The following MROH2A variants were observed in gnomAD, a reference collection of about 807,000 sequenced individuals.
MROH2A encodes the protein maestro heat-like repeat-containing protein family member 2A.
In MROH2A, 174 loss-of-function variants were observed where a neutral mutation model predicts 200.4. The observed-to-expected ratio is 0.87, with a 90% confidence interval of 0.77 to 0.98. The LOEUF (loss-of-function observed/expected upper bound fraction) is 0.98, where lower values mean the gene tolerates loss of function less well. Among genes scored for constraint, MROH2A ranks in the 50% least tolerant of loss-of-function variants. The probability of loss-of-function intolerance (pLI) is 0.00; values close to 1 mark genes in which losing one functional copy is unlikely to be tolerated. For synonymous variants in MROH2A, 829 were observed against 840.4 expected (o/e 0.99, Z 0.23); for missense variants, 2,045 against 2,139.6 (o/e 0.96, Z 0.87).
chr2:233,794,377 G>A lies in MROH2A; in HGVS notation c.837G>A (p.Val279=). 1 of 1,550,184 alleles carries A rather than the reference G, an allele frequency of 6.5e-7. No individual in the cohort carries two copies. The highest frequency in any genetic ancestry group is 8.7e-7 in the Non-Finnish European group (1 of 1,146,772). ...TCTGGTGGCAGGTGAAGCTGGGGGT[G>A]ATCAAGTCCCTGAAGCCCATGCTCG... ...RHYNPEVKLG[V]IKSLKPMLGL... is the part of the protein sequence containing the mutation. Residue 279 remains valine (V), a synonymous_variant, in exon 8 of 42, where the codon GTG becomes GTA. Transcript: ENST00000389758.
At chr2:233,814,800 T>C in intron 26 of MROH2A, 123 bp downstream of exon 26, 1 of 629,344 alleles carries the variant, frequency 1.6e-6, no homozygotes, top group African/African-American at 1.9e-5. Flanking sequence ...TTCATTGTTA[T>C]AAAATTCCAG....
intron 15 of MROH2A, among the ~76,000 whole-genome samples, chr2:233,802,941 C>T (rs1051387660): frequency 6.6e-6 from 1 of 152,250 alleles, no homozygotes; most frequent in Non-Finnish European, 1.5e-5. Context: ...ATGCCCCTCT[C>T]ACTCTTGACT....
chr2:233,825,560 A>G (rs1414635188), intron 35 of MROH2A, among the ~76,000 whole-genome samples: 1 of 152,156 alleles, frequency 6.6e-6, no homozygotes, highest in Non-Finnish European at 1.5e-5. Flanking sequence ...CCTTTTCTGC[A>G]CCTATTGAGA....
Position 233,793,674 on chromosome 2 carries a change from C to G in MROH2A, c.672C>G (p.Ala224=). The G allele has an allele frequency of 7.2e-7, 1 of 1,396,408 alleles. No homozygotes were observed. The highest frequency in any genetic ancestry group is 9.4e-7 in the Non-Finnish European group (1 of 1,069,230). The allele number at this position is 1,396,408 out of a possible 1,614,324, so 86.5% of individuals were successfully genotyped here. A position where few individuals can be genotyped will look rare whatever the true frequency, so the allele number is the denominator to read the frequency against. ...GCATTCCCCTGTTGCTGTTGGTAGC[C>G]ATGGAGACCTTCTGTGAGACGGTGC... is the stretch of plus-strand genomic sequence containing the variant. ...EAKIRQAICS[A]METFCETVQF... is the part of the protein sequence containing the mutation. The change falls in exon 7 of 42, where the codon GCC becomes GCG. Residue 224 remains alanine (A), a splice_region_variant and synonymous_variant. Transcript: ENST00000389758.
In MROH2A at chr2:233,807,519, T is replaced by G; in HGVS notation, c.2149T>G (p.Tyr717Asp). ...LLLELLYKTDYSNDFDSEGVI... is the reference protein window; with the variant it reads ...LLLELLYKTDDSNDFDSEGVI... ...GTTGGAGCTGCTGTACAAGACGGAC[T>G]ACAGCAATGACTTTGACAGCGAGGT... Residue 717 changes from tyrosine (Y) to aspartate (D), a missense_variant, in exon 20 of 42, where the codon TAC becomes GAC. Around this residue, in one of 3 missense-constraint regions of MROH2A, gnomAD observed 1,201 missense variants for 1,311.3 expected, o/e 0.92. Transcript: ENST00000389758. The surrounding 1 kb of genome is among the most constrained non-coding windows in gnomAD (Gnocchi z 4.3). The G allele has an allele frequency of 6.4e-7, 1 of 1,550,628 alleles. No homozygotes were observed. The highest frequency in any genetic ancestry group is 2.4e-5 in the East Asian group (1 of 40,922).
intron 35 of MROH2A, among the ~76,000 whole-genome samples, chr2:233,824,730 C>G (rs891589260): frequency 2.0e-5 from 3 of 152,198 alleles, no homozygotes; most frequent in South Asian, 2.1e-4. Flanking sequence ...ATGAGATAGA[C>G]CGTGTATGCA....
rs974003183 is a variant in MROH2A, at chr2:233,820,974, G to C, written c.3512+918G>C. On this transcript the variant is annotated intron_variant, in intron 31 of 41. Transcript: ENST00000389758. The surrounding 1 kb of genome is among the most constrained non-coding windows in gnomAD (Gnocchi z 4.1). Reference sequence around the variant, plus strand: ...AGGCAGTGCTGGGTGGGGGTAAGGGGGATGTGCGGTGCAGCCCTGGGTCAG... The same window carrying C: ...AGGCAGTGCTGGGTGGGGGTAAGGGCGATGTGCGGTGCAGCCCTGGGTCAG... 2.0e-5 allele frequency among the ~76,000 whole-genome samples: 3 copies of C among 152,158 alleles called. No homozygotes were observed. Among genetic ancestry groups the C allele is most frequent in the Non-Finnish European group, 2.9e-5 (2 of 68,024 alleles).
rs917356507 is a variant in MROH2A at position 233,807,042 on chromosome 2, G to A, written c.2053-381G>A. Among the ~76,000 whole-genome samples the A allele has an allele frequency of 3.9e-5, 6 of 151,900 alleles. 1 individual carries two copies. In the South Asian group the frequency reaches 1.0e-3, roughly 26 times the overall value. ...CCACTTATGAGTGAGAACATACGACGTTTGGTTTTCCATTCCTAAGTTACT... is the reference window on the plus strand; with the variant it reads ...CCACTTATGAGTGAGAACATACGACATTTGGTTTTCCATTCCTAAGTTACT... On this transcript the variant is annotated intron_variant, in intron 19 of 41. Transcript: ENST00000389758. This position sits in a 1 kb window ranked among gnomAD's most constrained non-coding sequence, Gnocchi z 4.3.
intron 3 of MROH2A, among the ~76,000 whole-genome samples, chr2:233,786,503 C>T (rs923986709): frequency 6.6e-6 from 1 of 152,218 alleles, no homozygotes; most frequent in Non-Finnish European, 1.5e-5. Context: ...ACCCTAATTA[C>T]CTTTCGAAGG....
intron 3 of MROH2A, among the ~76,000 whole-genome samples, chr2:233,787,239 C>T (rs942866170): frequency 1.3e-5 from 2 of 151,850 alleles, no homozygotes; most frequent in Non-Finnish European, 2.9e-5. Context: ...GCTATTTGTA[C>T]AGGGTGCAGT....
chr2:233,816,758 G>C, intron 26 of MROH2A, 23 bp from the exon 27 acceptor site: 1 of 1,512,228 alleles, frequency 6.6e-7, no homozygotes. Context: ...CACCCACTTT[G>C]GTGTTCTGGG....
intron 39 of MROH2A, among the ~76,000 whole-genome samples, chr2:233,831,927 G>A (rs1291512926): frequency 6.6e-6 from 1 of 152,230 alleles, no homozygotes; most frequent in African/African-American, 2.4e-5. Context: ...CACACTTGAA[G>A]TGCTGCAGGG....
rs1169329284 is a variant in MROH2A, at chr2:233,787,656, CATATATATT to C, written c.277-1824_277-1816del. Among the ~76,000 whole-genome samples the C allele has an allele frequency of 1.3e-3, 33 of 24,496 alleles. 2 individuals carry two copies. The highest frequency in any genetic ancestry group is 2.3e-3 in the Non-Finnish European group (31 of 13,644). 16.1% of individuals were successfully genotyped at this position (24,496 alleles called of 152,430 possible). A position where few individuals can be genotyped will look rare whatever the true frequency, so the allele number is the denominator to read the frequency against. On this transcript the variant is annotated intron_variant, in intron 3 of 41. Coordinates refer to ENST00000389758, the MANE Select transcript of MROH2A (RefSeq NM_001394639.1). ...ATATATATTATATATATCATATATA[CATATATATT>C]ATATATATTATATATACATATATAT...
Position 233,831,511 on chromosome 2 carries a change from G to A in MROH2A, c.4705G>A (p.Val1569Ile), listed in dbSNP as rs879664. The A allele has an allele frequency of 0.074, 114,963 of 1,548,926 alleles. 5,097 individuals are homozygous for A. Among genetic ancestry groups the A allele is most frequent in the African/African-American group, 0.19 (13,828 of 73,006 alleles). The change falls in exon 39 of 42, where the codon GTT becomes ATT. Residue 1569 changes from valine to isoleucine, a missense_variant. Transcript: ENST00000389758. ...TACCGCTACTGATGACAAGATGACC[G>A]TTTTCCAGACAACCATGTGCTCCAT... ...SDTATDDKMT[V>I]FQTTMCSILT...
chr2:233,797,122 A>T (rs1234364487), intron 11 of MROH2A, among the ~76,000 whole-genome samples: 1 of 152,230 alleles, frequency 6.6e-6, no homozygotes, highest in Non-Finnish European at 1.5e-5. Flanking sequence ...TGGACTCCTG[A>T]GCATGGCTGG....
chr2:233,818,652 C>T lies in MROH2A; in HGVS notation c.3086C>T (p.Ala1029Val), dbSNP rs907483666. ...NVLSSLLDLH[A>V]SQTCSLWGPS... ...ATTTCTGAAGTTGTATTCCCGACAG[C>T]AAGCCAGACCTGCTCCTTGTGGGGC... The change falls in exon 29 of 42, where the codon GCA (alanine) becomes GTA (valine). Residue 1029 changes from alanine to valine, a missense_variant and splice_region_variant. Ala to Val is a moderately conservative substitution (Grantham distance 64, BLOSUM62 0). This residue lies in a region of MROH2A where 1,201 missense variants were observed against 1,311.3 expected (regional missense o/e 0.92). Coordinates refer to ENST00000389758, the MANE Select transcript of MROH2A (RefSeq NM_001394639.1). The T allele has an allele frequency of 7.7e-5, 119 of 1,541,218 alleles. No homozygotes were observed. In the Middle Eastern group the frequency reaches 1.0e-3, roughly 13 times the overall value.
chr2:233,830,186 C>G (rs1192334784), intron 38 of MROH2A, among the ~76,000 whole-genome samples: 2 of 152,214 alleles, frequency 1.3e-5, no homozygotes, highest in African/African-American at 4.8e-5. Flanking sequence ...CTGGCTTCTC[C>G]CTCTCCACAG....
Position 233,793,659 on chromosome 2 carries a change from G to A in MROH2A, c.671-14G>A. On this transcript the variant is annotated splice_polypyrimidine_tract_variant and intron_variant, in intron 6 of 41. Coordinates refer to ENST00000389758, the MANE Select transcript of MROH2A (RefSeq NM_001394639.1). ...CCTCTGGCGCCAAGTGCATTCCCCTGTTGCTGTTGGTAGCCATGGAGACCT... is the reference window on the plus strand; with the variant it reads ...CCTCTGGCGCCAAGTGCATTCCCCTATTGCTGTTGGTAGCCATGGAGACCT... The A allele has an allele frequency of 7.3e-7, 1 of 1,370,458 alleles. No homozygotes were observed. Among genetic ancestry groups the A allele is most frequent in the Non-Finnish European group, 9.5e-7 (1 of 1,055,622 alleles). The allele number at this position is 1,370,458 out of a possible 1,614,324, so 84.9% of individuals were successfully genotyped here.
rs916274968 is a variant in MROH2A at position 233,815,784 on chromosome 2, T to C, written c.2857-997T>C. Reference sequence around the variant, plus strand: ...TACACCAATACTGCACTGTCTCGATTACTGTTATATTATAATAAGCCTTGA... The same window carrying C: ...TACACCAATACTGCACTGTCTCGATCACTGTTATATTATAATAAGCCTTGA... On this transcript the variant is annotated intron_variant, in intron 26 of 41. Transcript: ENST00000389758. Among the ~76,000 whole-genome samples the C allele has an allele frequency of 9.0e-5, 11 of 122,528 alleles. No individual in the cohort carries two copies. The South Asian group carries it at 3.2e-3, about 36-fold the overall frequency. The allele number at this position is 122,528 out of a possible 152,430, so 80.4% of individuals were successfully genotyped here. A position where few individuals can be genotyped will look rare whatever the true frequency, so the allele number is the denominator to read the frequency against.
Sources: gnomAD v4.1 joint callset for allele counts (sites outside exome capture counted in the v4.1 genomes callset) on GRCh38, gnomAD v4.1.1 for gene constraint, gnomAD v4.1.1 regional missense constraint, Gnocchi (gnomAD v3.1) non-coding constraint, MANE v1.5 for transcripts, NCBI Gene and HGNC (gene_info 2026-07-23, HGNC 2026-07-21) for gene names.